The following CCDC77 variants were observed in gnomAD, a reference collection of about 807,000 sequenced individuals.
CCDC77 encodes coiled-coil domain-containing protein 77.
In CCDC77, 56 loss-of-function variants were observed where a neutral mutation model predicts 66.8. The observed-to-expected ratio is 0.84, with a 90% CI of 0.68 to 1.05. The LOEUF (loss-of-function observed/expected upper bound fraction) is 1.05, where lower values mean the gene tolerates loss of function less well. CCDC77 is among the 50% of genes least tolerant of loss of function. CCDC77 has a pLI of 0.00. For missense variants in CCDC77, 570 were observed against 576.8 expected (o/e 0.99, Z 0.12); for synonymous variants, 196 against 195.2 (o/e 1.00, Z -0.03).
chr12:436,318 A>G (rs555851757), intron 9 of CCDC77, among the ~76,000 whole-genome samples: 212 of 151,528 alleles, frequency 1.4e-3, no homozygotes, highest in Middle Eastern at 3.4e-3. Context: ...TAGTAGAGAC[A>G]AGGTTTCACC....
chr12:389,548 A>ACGGGGCGAGGTGGGGCGAGG, intron 1 of CCDC77: 1 of 24,292 alleles, frequency 4.1e-5, no homozygotes, highest in Non-Finnish European at 7.9e-5. Context: ...AGGGAAGCCG[A>ACGGGGCGAGGTGGGGCGAGG]CGGGGCGAGG....
intron 5 of CCDC77, among the ~76,000 whole-genome samples, chr12:424,371 C>T (rs1174756240): frequency 1.4e-5 from 2 of 143,164 alleles, no homozygotes; most frequent in Admixed American, 7.0e-5. Flanking sequence ...ATTTTCTCCT[C>T]TTTTTTTTTT....
At chr12:439,774 C>T (rs957785781) in intron 10 of CCDC77, among the ~76,000 whole-genome samples, 9 of 148,840 alleles carry the variant, frequency 6.0e-5, no homozygotes, top group South Asian at 2.1e-4. Flanking sequence ...GCAAGGACTC[C>T]GTCTCAGAAA....
chr12:428,902 T>TG, intron 6 of CCDC77, 37 bp downstream of exon 6: 1 of 1,371,252 alleles, frequency 7.3e-7, no homozygotes, highest in Non-Finnish European at 1.0e-6. Flanking sequence ...GAGTGTGGCT[T>TG]TACAAGTCAC....
intron 1 of CCDC77, among the ~76,000 whole-genome samples, chr12:396,395 AAAAT>A (rs1250501924): frequency 4.6e-5 from 7 of 152,270 alleles, no homozygotes; most frequent in South Asian, 2.1e-4. Context: ...CCCTCTTGAA[AAAAT>A]AAATAAATAA....
rs1417231908 is a variant in CCDC77, at chr12:441,003, G to A, written c.1320+7G>A. 1.2e-6 allele frequency: 2 copies of A among 1,608,592 alleles called. No homozygotes were observed. The highest frequency in any genetic ancestry group is 1.7e-6 in the Non-Finnish European group (2 of 1,179,880). On this transcript the variant is annotated splice_region_variant and intron_variant, in intron 12 of 12. Transcript: ENST00000239830. ...GGAGCAAATGTTGTATAAGGTAATT[G>A]CTGGTCCTGAATTGCCACGAGGGAG...
At chr12:412,707 A>G (rs548901371) in intron 4 of CCDC77, among the ~76,000 whole-genome samples, 2 of 152,352 alleles carry the variant, frequency 1.3e-5, no homozygotes, top group Non-Finnish European at 2.9e-5. Flanking sequence ...GTCACAAATC[A>G]GTACAGAATG....
intron 1 of CCDC77, among the ~76,000 whole-genome samples, chr12:394,635 T>A (rs1284835802): frequency 6.6e-6 from 1 of 152,264 alleles, no homozygotes; most frequent in South Asian, 2.1e-4. Context: ...GCATTGTTCT[T>A]GTTTGATCCT....
chr12:408,698 T>C (rs1328920557), intron 2 of CCDC77, among the ~76,000 whole-genome samples: 1 of 152,210 alleles, frequency 6.6e-6, no homozygotes, highest in Non-Finnish European at 1.5e-5. Flanking sequence ...TTAGAGACTT[T>C]TCTGCATCTT....
chr12:398,380 GC>G (rs1255294124), upstream of CCDC77, among the ~76,000 whole-genome samples: 1 of 151,786 alleles, frequency 6.6e-6, no homozygotes, highest in Non-Finnish European at 1.5e-5. Flanking sequence ...TTCATAAGAA[GC>G]AACTCTTCAT....
intron 10 of CCDC77, 155 bp downstream of exon 10, chr12:438,709 T>C (rs1945801060): frequency 3.4e-6 from 2 of 590,288 alleles, no homozygotes; most frequent in Non-Finnish European, 6.0e-6. Flanking sequence ...AGCTGATCGT[T>C]GTAGTATTTG....
chr12:432,346 G>A (rs898269206), intron 8 of CCDC77, among the ~76,000 whole-genome samples: 2 of 151,844 alleles, frequency 1.3e-5, no homozygotes, highest in Non-Finnish European at 1.5e-5. Context: ...GTAATGAACT[G>A]TTCTCTTACC....
At chr12:391,177 T>A (rs1318550545) in intron 1 of CCDC77, among the ~76,000 whole-genome samples, 1 of 152,180 alleles carries the variant, frequency 6.6e-6, no homozygotes, top group Non-Finnish European at 1.5e-5. Flanking sequence ...TATGTCCAGG[T>A]GCAGTGGCTC....
At chr12:407,061 C>T (rs1945008287) in intron 2 of CCDC77, among the ~76,000 whole-genome samples, 1 of 152,198 alleles carries the variant, frequency 6.6e-6, no homozygotes, top group Non-Finnish European at 1.5e-5. Flanking sequence ...AATCCTATTA[C>T]TTGTGTGGCT....
rs571814850 is a variant in CCDC77 at position 407,811 on chromosome 12, G to A, written c.-16-1557G>A. ...TTTTTTTTTTTTTTTTTTTTGAGAC[G>A]GAGTCTCGCTCTGTTGCCCAGGCTG... On this transcript the variant is annotated intron_variant, in intron 2 of 12. Transcript: ENST00000239830. Among the ~76,000 whole-genome samples the A allele has an allele frequency of 5.3e-3, 537 of 101,006 alleles. 3 individuals carry two copies. The highest frequency in any genetic ancestry group is 0.014 in the Admixed American group (95 of 6,742). The allele number at this position is 101,006 out of a possible 152,430, so 66.3% of individuals were successfully genotyped here. A position where few individuals can be genotyped will look rare whatever the true frequency, so the allele number is the denominator to read the frequency against.
intron 3 of CCDC77, chr12:409,623 C>G (rs928197289): frequency 5.2e-6 from 3 of 580,694 alleles, no homozygotes; most frequent in Non-Finnish European, 9.2e-6. Context: ...CTCAAGCAAT[C>G]CTCCCACCTC....
At chr12:422,448 T>C (rs2095031749) in intron 5 of CCDC77, among the ~76,000 whole-genome samples, 1 of 152,226 alleles carries the variant, frequency 6.6e-6, no homozygotes, top group African/African-American at 2.4e-5. Context: ...GTTACCCCAG[T>C]TCCTGGAACA....
intron 3 of CCDC77, among the ~76,000 whole-genome samples, chr12:410,831 C>T (rs986757869): frequency 2.0e-5 from 3 of 152,238 alleles, no homozygotes; most frequent in Admixed American, 6.5e-5. Context: ...CAGGCATGAG[C>T]CACTGCACCC....
At chr12:429,108 G>A (rs537962836) in intron 6 of CCDC77, among the ~76,000 whole-genome samples, 5 of 152,342 alleles carry the variant, frequency 3.3e-5, no homozygotes, top group African/African-American at 9.6e-5. Context: ...CTGAGACAGA[G>A]AGGAAAGCAG....
Sources: gnomAD v4.1 joint callset for allele counts (sites outside exome capture counted in the v4.1 genomes callset) on GRCh38, gnomAD v4.1.1 for gene constraint, MANE v1.5 for transcripts, NCBI Gene and HGNC (gene_info 2026-07-23, HGNC 2026-07-21) for gene names.